The following CRK variants were observed in gnomAD, a reference collection of about 807,000 sequenced individuals.
CRK encodes CRK proto-oncogene, adaptor protein.
Under a neutral mutation model 29.8 loss-of-function variants are expected in CRK, and 4 were observed. The observed-to-expected ratio is 0.13, with a 90% CI of 0.07 to 0.31. CRK has a LOEUF of 0.31. Ranked by LOEUF, CRK falls within the 10% of genes least tolerant of loss-of-function variation. The probability of loss-of-function intolerance (pLI) is 1.00; values close to 1 mark genes in which losing one functional copy is unlikely to be tolerated. For missense variants in CRK, 274 were observed against 396.5 expected (o/e 0.69, Z 2.62); for synonymous variants, 153 against 164.9 (o/e 0.93, Z 0.55).
chr17:1,441,252 G>A (rs1420637432), intron 1 of CRK, among the ~76,000 whole-genome samples: 1 of 151,862 alleles, frequency 6.6e-6, no homozygotes, highest in African/African-American at 2.4e-5. Context: ...TGAGACAGGA[G>A]ACTCCCTATG....
chr17:1,425,035 T>C (rs971295625), intron 2 of CRK: 6 of 151,858 alleles, frequency 4.0e-5, no homozygotes, highest in Admixed American at 1.3e-4. Flanking sequence ...AAAAACCTTA[T>C]GTTTTGGCAT....
At chr17:1,440,796 C>T (rs535870340) in intron 1 of CRK, among the ~76,000 whole-genome samples, 3 of 152,188 alleles carry the variant, frequency 2.0e-5, no homozygotes, top group Admixed American at 6.5e-5. Context: ...CCCAGCTTCT[C>T]GAGAAGCTGA....
At chr17:1,430,705 A>G (rs2073835442) in intron 2 of CRK, among the ~76,000 whole-genome samples, 1 of 151,876 alleles carries the variant, frequency 6.6e-6, no homozygotes, top group Non-Finnish European at 1.5e-5. Context: ...TTTGTAAGCA[A>G]TCAATTGGGC....
intron 1 of CRK, among the ~76,000 whole-genome samples, chr17:1,438,393 G>A (rs892395401): frequency 6.6e-6 from 1 of 152,062 alleles, no homozygotes; most frequent in Non-Finnish European, 1.5e-5. Flanking sequence ...ACCTTCCAAA[G>A]TGTTGGGATT....
intron 1 of CRK, among the ~76,000 whole-genome samples, chr17:1,438,171 T>G (rs1223353615): frequency 1.3e-5 from 2 of 151,994 alleles, no homozygotes; most frequent in Admixed American, 1.3e-4. Flanking sequence ...GCTGTGTCGC[T>G]CAAGCTGGAG....
chr17:1,430,451 G>C (rs1403541472), intron 2 of CRK, among the ~76,000 whole-genome samples: 3 of 151,372 alleles, frequency 2.0e-5, no homozygotes, highest in Non-Finnish European at 2.9e-5. Context: ...CCGCCTCCCG[G>C]GTTCACGCCA....
At chr17:1,454,135 A>C (rs1316611518) in intron 1 of CRK, among the ~76,000 whole-genome samples, 3 of 150,216 alleles carry the variant, frequency 2.0e-5, no homozygotes, top group Non-Finnish European at 4.4e-5. Flanking sequence ...CCAAAAGGCA[A>C]AGGTTGCAGT....
rs776046824 is a variant in CRK, at chr17:1,423,088, C to T, written c.*425G>A. The T allele has an allele frequency of 1.9e-5, 8 of 417,322 alleles. No homozygotes were observed. The highest frequency in any genetic ancestry group is 4.1e-5 in the Admixed American group (1 of 24,424). 25.9% of individuals were successfully genotyped at this position (417,322 alleles called of 1,614,324 possible). ...ATTCACACGGTGCATGATTACTTCA[C>T]GGGGGTGGAACGGAACAGTCTGTCG... On this transcript the variant is annotated 3_prime_UTR_variant, in exon 3 of 3. Transcript: ENST00000300574.
intron 1 of CRK, among the ~76,000 whole-genome samples, chr17:1,450,755 G>C (rs532817278): frequency 1.3e-5 from 2 of 152,004 alleles, no homozygotes; most frequent in East Asian, 3.9e-4. Context: ...GCATGGTGGC[G>C]CATGCCTGTA....
chr17:1,448,121 G>A (rs181814873), intron 1 of CRK, among the ~76,000 whole-genome samples: 2 of 152,082 alleles, frequency 1.3e-5, no homozygotes, highest in South Asian at 2.1e-4. Flanking sequence ...CAGCCTGGGC[G>A]ACAGAAGGCC....
chr17:1,437,870 T>C (rs1390576944), intron 1 of CRK, among the ~76,000 whole-genome samples: 1 of 151,492 alleles, frequency 6.6e-6, no homozygotes, highest in Non-Finnish European at 1.5e-5. Flanking sequence ...TTCACCATGT[T>C]GGCCAGGCTG....
intron 1 of CRK, among the ~76,000 whole-genome samples, chr17:1,453,704 C>A (rs571824468): frequency 6.6e-6 from 1 of 151,924 alleles, no homozygotes; most frequent in East Asian, 1.9e-4. Flanking sequence ...GTCAGGAGTT[C>A]GAGACCAGCC....
chr17:1,436,535 A>C, intron 2 of CRK, 85 bp downstream of exon 2: 1 of 1,366,480 alleles, frequency 7.3e-7, no homozygotes, highest in Non-Finnish European at 9.9e-7. Flanking sequence ...CCAATGCTGT[A>C]GTCAGCATTG....
intron 2 of CRK, among the ~76,000 whole-genome samples, chr17:1,430,045 ATTTTT>A (rs34475007): frequency 7.5e-6 from 1 of 133,438 alleles, no homozygotes; most frequent in Non-Finnish European, 1.7e-5. Context: ...AACTCAAATG[ATTTTT>A]TTTTTTTTTT....
At chr17:1,434,443 G>A (rs2073872014) in intron 2 of CRK, among the ~76,000 whole-genome samples, 1 of 152,108 alleles carries the variant, frequency 6.6e-6, no homozygotes, top group Non-Finnish European at 1.5e-5. Flanking sequence ...CCCTTGATGA[G>A]CGGTGACCAC....
rs544293235 is a variant in CRK at position 1,452,550 on chromosome 17, G to T, written c.241+3327C>A. 3.9e-5 allele frequency among the ~76,000 whole-genome samples: 6 copies of T among 152,314 alleles called. No individual in the cohort carries two copies. The South Asian group carries it at 1.2e-3, about 32-fold the overall frequency. ...CGTCTGTAATCCCAGCACTTTGGGAGGCCGAGGTGGGTGGATGATCAGAGT... is the reference window on the plus strand; with the variant it reads ...CGTCTGTAATCCCAGCACTTTGGGATGCCGAGGTGGGTGGATGATCAGAGT... On this transcript the variant is annotated intron_variant, in intron 1 of 2. Coordinates refer to ENST00000300574, the MANE Select transcript of CRK (RefSeq NM_016823.4).
intron 1 of CRK, among the ~76,000 whole-genome samples, chr17:1,440,801 A>G (rs1183427018): frequency 6.6e-6 from 1 of 152,104 alleles, no homozygotes; most frequent in African/African-American, 2.4e-5. Context: ...CTTCTCGAGA[A>G]GCTGAGGTGG....
chr17:1,454,319 T>A (rs1356757087), intron 1 of CRK, among the ~76,000 whole-genome samples: 3 of 152,198 alleles, frequency 2.0e-5, no homozygotes, highest in African/African-American at 7.2e-5. Context: ...GGCTGGTGGA[T>A]CACCTGAGGT....
intron 1 of CRK, among the ~76,000 whole-genome samples, chr17:1,444,930 C>T (rs1226177864): frequency 1.3e-5 from 2 of 151,896 alleles, no homozygotes; most frequent in Admixed American, 6.6e-5. Context: ...AGGCGGATCA[C>T]GAGGTCAGGA....
Sources: gnomAD v4.1 joint callset for allele counts (sites outside exome capture counted in the v4.1 genomes callset) on GRCh38, gnomAD v4.1.1 for gene constraint, MANE v1.5 for transcripts, NCBI Gene and HGNC (gene_info 2026-07-23, HGNC 2026-07-21) for gene names.